Variants in FKBP4 observed in about 807,000 individuals in gnomAD.
FKBP4 encodes the protein peptidyl-prolyl cis-trans isomerase FKBP4.
In FKBP4, 28 loss-of-function variants were observed where a neutral mutation model predicts 54.1. The ratio of observed to expected loss-of-function variants is 0.52; its 90% CI spans 0.38 to 0.71. The LOEUF (loss-of-function observed/expected upper bound fraction) is 0.71. Among genes scored for constraint, FKBP4 ranks in the 30% least tolerant of loss-of-function variants. The probability of loss-of-function intolerance (pLI) is 0.00; values close to 1 mark genes in which losing one functional copy is unlikely to be tolerated. For missense variants in FKBP4, 493 were observed against 574.4 expected (o/e 0.86, Z 1.45); for synonymous variants, 223 against 216.1 (o/e 1.03, Z -0.28).
At chr12:2,800,298 C>T in intron 7 of FKBP4, 94 bp from the exon 8 acceptor site, 1 of 1,434,826 alleles carries the variant, frequency 7.0e-7, no homozygotes, top group Non-Finnish European at 9.5e-7. Flanking sequence ...GGAGCAGGAA[C>T]CTCTTGTGGC....
intron 7 of FKBP4, 55 bp from the exon 8 acceptor site, chr12:2,800,337 A>C: frequency 1.3e-6 from 2 of 1,553,440 alleles, no homozygotes; most frequent in Non-Finnish European, 1.7e-6. Context: ...GCAGGGTATA[A>C]GAGCCTAGTA....
rs928376652 is a variant in FKBP4 at position 2,798,025 on chromosome 12, C to T, written c.393+154C>T. ...AGGAGAAATGCAGAGGGCTCTGCTG[C>T]TGCTAGTAATGGAAGTAATAGAAGC... is the stretch of plus-strand genomic sequence containing the variant. On this transcript the variant is annotated intron_variant, in intron 3 of 9. Coordinates refer to ENST00000001008, the MANE Select transcript of FKBP4 (RefSeq NM_002014.4). This position sits in a 1 kb window ranked among gnomAD's most constrained non-coding sequence, Gnocchi z 4.3. 1.1e-4 allele frequency among the ~76,000 whole-genome samples: 17 copies of T among 152,200 alleles called. No individual in the cohort carries two copies. The highest frequency in any genetic ancestry group is 3.3e-4 in the Admixed American group (5 of 15,292).
At chr12:2,799,328 T>C in intron 5 of FKBP4, 84 bp downstream of exon 5, 1 of 1,399,470 alleles carries the variant, frequency 7.1e-7, no homozygotes, top group Non-Finnish European at 9.5e-7. Flanking sequence ...CAGCTGTTTG[T>C]ATCCTTTTTA....
At chr12:2,801,887 T>C in intron 9 of FKBP4, 2 of 215,810 alleles carry the variant, frequency 9.3e-6, no homozygotes, top group Non-Finnish European at 1.9e-5. Context: ...GGGTCTTGGA[T>C]GGTCCAGTGT....
chr12:2,803,184 A>G lies in FKBP4; in HGVS notation c.1306A>G (p.Thr436Ala). The G allele has an allele frequency of 6.2e-7, 1 of 1,606,778 alleles. No individual in the cohort carries two copies. The highest frequency in any genetic ancestry group is 8.5e-7 in the Non-Finnish European group (1 of 1,176,660). The change falls in exon 10 of 10, where the codon ACT (threonine) becomes GCT (alanine). Residue 436 changes from threonine to alanine, a missense_variant. Physicochemically the swap from Thr to Ala is moderately conservative, Grantham distance 58. Transcript: ENST00000001008. ...KAEASSGDHP[T>A]DTEMKEEQKS... ...AGAGGCTTCCTCAGGAGACCATCCC[A>G]CTGACACAGAGATGAAGGAGGAGCA... is the stretch of plus-strand genomic sequence containing the variant.
chr12:2,800,110 T>C lies in FKBP4; in HGVS notation c.834T>C (p.Thr278=). The C allele has an allele frequency of 1.2e-6, 2 of 1,613,328 alleles. No homozygotes were observed. The highest frequency in any genetic ancestry group is 2.2e-5 in the South Asian group (2 of 91,052). Residue 278 remains threonine (T), a synonymous_variant, in exon 7 of 10, where the codon ACT becomes ACC. Transcript: ENST00000001008. The part of the protein sequence containing the change: ...EQSTIVKERG[T]VYFKEGKYKQ... ...GCACCATAGTGAAAGAGCGGGGCAC[T>C]GTGTACTTCAAGGTGAGCCAACAGT...
chr12:2,803,659 C>A lies in FKBP4; in HGVS notation c.*401C>A, dbSNP rs917316500. On this transcript the variant is annotated 3_prime_UTR_variant, in exon 10 of 10. Coordinates refer to ENST00000001008, the MANE Select transcript of FKBP4 (RefSeq NM_002014.4). ...TCCTCATCCTTTCCCTCTCCCAGTC[C>A]ATTTCCAAATGTGGCCTCCATGTGG... The A allele has an allele frequency of 5.8e-6, 1 of 173,716 alleles. No homozygotes were observed. The highest frequency in any genetic ancestry group is 5.6e-5 in the Admixed American group (1 of 17,970). The allele number at this position is 173,716 out of a possible 1,614,324, so 10.8% of individuals were successfully genotyped here. A position where few individuals can be genotyped will look rare whatever the true frequency, so the allele number is the denominator to read the frequency against.
intron 1 of FKBP4, chr12:2,796,030 A>C: frequency 8.6e-7 from 1 of 1,167,980 alleles, no homozygotes; most frequent in South Asian, 1.6e-5. Context: ...CTCGACTACA[A>C]ATAGCCTGGG....
chr12:2,801,575 T>C (rs1311992152), intron 9 of FKBP4: 6 of 664,628 alleles, frequency 9.0e-6, no homozygotes, highest in African/African-American at 1.8e-5. Flanking sequence ...TTGGTTGCCC[T>C]GAGTGTAATT....
In FKBP4 at chr12:2,797,290, T is replaced by C. The variant is rs2097902387; in HGVS notation, c.250+8T>C. ...CCTTTGACCTGGGAAAAGGTAGGCG[T>C]GGTCAGTGGGCTGGTAGGATAGGTT... On this transcript the variant is annotated splice_region_variant and intron_variant, in intron 2 of 9. Coordinates refer to ENST00000001008, the MANE Select transcript of FKBP4 (RefSeq NM_002014.4). The C allele has an allele frequency of 6.2e-7, 1 of 1,613,796 alleles. No individual in the cohort carries two copies. Among genetic ancestry groups the C allele is most frequent in the Non-Finnish European group, 8.5e-7 (1 of 1,179,812 alleles).
At chr12:2,801,505 G>T in intron 9 of FKBP4, 149 bp downstream of exon 9, 1 of 1,084,262 alleles carries the variant, frequency 9.2e-7, no homozygotes, top group East Asian at 2.5e-5. Context: ...TGTTCCTGCT[G>T]TTGGGGCCAG....
intron 9 of FKBP4, 82 bp from the exon 10 acceptor site, chr12:2,803,069 T>C: frequency 1.0e-6 from 1 of 980,586 alleles, no homozygotes; most frequent in Non-Finnish European, 1.6e-6. Context: ...AGAATGGGTG[T>C]ATCTGTGTAA....
chr12:2,803,549 T>C lies in FKBP4; in HGVS notation c.*291T>C. ...TATTTTGCTCCCTCTGTTAGGTCCATTTTCTAAGGGTAGAAGAGGCAAGTG... is the reference window on the plus strand; with the variant it reads ...TATTTTGCTCCCTCTGTTAGGTCCACTTTCTAAGGGTAGAAGAGGCAAGTG... On this transcript the variant is annotated 3_prime_UTR_variant, in exon 10 of 10. Coordinates refer to ENST00000001008, the MANE Select transcript of FKBP4 (RefSeq NM_002014.4). 6.4e-6 allele frequency: 2 copies of C among 314,810 alleles called. No homozygotes were observed. The highest frequency in any genetic ancestry group is 1.2e-5 in the Non-Finnish European group (2 of 161,938). The allele number at this position is 314,810 out of a possible 1,614,324, so 19.5% of individuals were successfully genotyped here. A position where few individuals can be genotyped will look rare whatever the true frequency, so the allele number is the denominator to read the frequency against.
At chr12:2,800,679 C>T in intron 8 of FKBP4, 102 bp downstream of exon 8, 1 of 1,175,604 alleles carries the variant, frequency 8.5e-7, no homozygotes, top group Non-Finnish European at 1.2e-6. Context: ...GCAGGGATAG[C>T]AGGGTGGATC....
chr12:2,797,245 G>A lies in FKBP4; in HGVS notation c.213G>A (p.Leu71=), dbSNP rs1565396231. ...ATGGCACAAAGTTTGACTCCAGTCTGGATCGCAAGGACAAATTCTCCTTTG... is the reference window on the plus strand; with the variant it reads ...ATGGCACAAAGTTTGACTCCAGTCTAGATCGCAAGGACAAATTCTCCTTTG... ...LLDGTKFDSS[L]DRKDKFSFDL... The change falls in exon 2 of 10, where the codon CTG becomes CTA. Residue 71 remains leucine (L), a synonymous_variant. Coordinates refer to ENST00000001008, the MANE Select transcript of FKBP4 (RefSeq NM_002014.4). 1 of 1,613,930 alleles carries A rather than the reference G, an allele frequency of 6.2e-7. No homozygotes were observed.
chr12:2,800,706 T>C (rs1490761722), intron 8 of FKBP4, 129 bp downstream of exon 8: 2 of 921,976 alleles, frequency 2.2e-6, no homozygotes, highest in Admixed American at 6.1e-5. Flanking sequence ...AGCTCTGAGG[T>C]TACAGACCAA....
In FKBP4 at chr12:2,795,049, C is replaced by G; in HGVS notation, c.-91C>G. Reference sequence around the variant, plus strand: ...CAGTCAGTGCCGCCGCGCCCGGCCTCCCGCACGCCCCGCAGGTAGCGCCCC... The same window carrying G: ...CAGTCAGTGCCGCCGCGCCCGGCCTGCCGCACGCCCCGCAGGTAGCGCCCC... On this transcript the variant is annotated 5_prime_UTR_variant, in exon 1 of 10. Transcript: ENST00000001008. The surrounding 1 kb of genome is among the most constrained non-coding windows in gnomAD (Gnocchi z 4.3). 1.3e-6 allele frequency: 1 copy of G among 748,832 alleles called. No homozygotes were observed. The highest frequency in any genetic ancestry group is 1.8e-6 in the Non-Finnish European group (1 of 551,732). The allele number at this position is 748,832 out of a possible 1,614,324, so 46.4% of individuals were successfully genotyped here.
chr12:2,802,710 T>C (rs757577763), intron 9 of FKBP4, among the ~76,000 whole-genome samples: 1 of 152,210 alleles, frequency 6.6e-6, no homozygotes, highest in African/African-American at 2.4e-5. Flanking sequence ...GTTCATAATT[T>C]GTACATATAC....
chr12:2,801,276 C>T lies in FKBP4; in HGVS notation c.1192C>T (p.Gln398Ter). 1 of 1,613,982 alleles carries T rather than the reference C, an allele frequency of 6.2e-7. No homozygotes were observed. The highest frequency in any genetic ancestry group is 8.5e-7 in the Non-Finnish European group (1 of 1,180,054). The change falls in exon 9 of 10, where the codon CAG (glutamine) becomes TAG (stop). Residue 398 changes from glutamine (Q) to a stop codon, truncating the protein, a stop_gained. Transcript: ENST00000001008. LOFTEE classifies it high-confidence loss of function. ...CAAGACCCAGCTGGCTGTGTGCCAG[C>T]AGCGGATCCGAAGGCAGCTTGCCCG... ...AAKTQLAVCQ[Q>*]RIRRQLAREK...
Sources: allele counts gnomAD v4.1 joint callset (sites outside exome capture counted in the v4.1 genomes callset), GRCh38; gene constraint gnomAD v4.1.1; non-coding constraint Gnocchi (gnomAD v3.1); transcripts MANE v1.5; gene names NCBI Gene and HGNC (gene_info 2026-07-23, HGNC 2026-07-21).